The following HAP1 variants were observed in gnomAD, a reference collection of about 807,000 sequenced individuals.
HAP1 encodes huntingtin associated protein 1, also known as huntingtin-associated protein 1.
HAP1 carries 59 observed loss-of-function variants against 60.3 expected under a neutral mutation model. The ratio of observed to expected loss-of-function variants is 0.98; its 90% confidence interval spans 0.79 to 1.22. The LOEUF (loss-of-function observed/expected upper bound fraction) is 1.22, where lower values mean the gene tolerates loss of function less well. HAP1 is among the 50% of genes most tolerant of loss of function. The pLI is 0.00. For missense variants in HAP1, 825 were observed against 785.3 expected, an observed-to-expected ratio of 1.05 and a Z score of -0.60; for synonymous variants, 346 against 330.6, an observed-to-expected ratio of 1.05 and a Z score of -0.50.
chr17:41,729,303 G>A (rs34464451), intron 6 of HAP1, among the ~76,000 whole-genome samples: 108,528 of 149,500 alleles, frequency 0.73, 40,216 homozygotes, highest in East Asian at 0.89. Flanking sequence ...TAATCTCAGC[G>A]CTTTGGGAGG....
Position 41,732,414 on chromosome 17 carries a change from CAG to C in HAP1, c.550-22_550-21del. 1.9e-6 allele frequency: 3 copies of C among 1,612,714 alleles called. No individual in the cohort carries two copies. Among genetic ancestry groups the C allele is most frequent in the Non-Finnish European group, 2.5e-6 (3 of 1,179,276 alleles). On this transcript the variant is annotated intron_variant, in intron 2 of 10. Coordinates refer to ENST00000347901, the MANE Select transcript of HAP1 (RefSeq NM_177977.3). ...GAGAAGCTGGGGGGGACACAGGGGT[CAG>C]AGAGAGGCTAGGCCCCTAAGAGAAC...
Position 41,731,562 on chromosome 17 carries a change from G to A in HAP1, c.1003-3C>T, listed in dbSNP as rs782421911. The A allele has an allele frequency of 8.7e-6, 14 of 1,611,166 alleles. No homozygotes were observed. In the Admixed American group the frequency reaches 1.2e-4, roughly 13 times the overall value. On this transcript the variant is annotated splice_polypyrimidine_tract_variant and splice_region_variant and intron_variant, in intron 5 of 10. Transcript: ENST00000347901. ...TCAAGAGTGTCGAGTTGAGAGGCCTGGAGGGAGACAAAGAGGAAGGGACAG... is the reference window on the plus strand; with the variant it reads ...TCAAGAGTGTCGAGTTGAGAGGCCTAGAGGGAGACAAAGAGGAAGGGACAG...
intron 2 of HAP1, 121 bp downstream of exon 2, chr17:41,732,598 A>G (rs1474852201): frequency 1.2e-5 from 12 of 1,005,958 alleles, no homozygotes; most frequent in East Asian, 7.2e-5. Context: ...CCTGTCTTCC[A>G]TAAGAAGGAC....
chr17:41,726,836 T>C (rs1326188139), intron 9 of HAP1, among the ~76,000 whole-genome samples: 3 of 151,520 alleles, frequency 2.0e-5, no homozygotes, highest in Non-Finnish European at 4.4e-5. Context: ...GCACTCCAGC[T>C]TGGGTGACAG....
At chr17:41,731,412 T>C in intron 6 of HAP1, 81 bp downstream of exon 6, 1 of 959,578 alleles carries the variant, frequency 1.0e-6, no homozygotes, top group South Asian at 1.3e-5. Context: ...GACTTGAACT[T>C]GGATCTCCAT....
intron 10 of HAP1, 146 bp downstream of exon 10, chr17:41,725,713 G>C (rs549485498): frequency 1.4e-6 from 1 of 692,802 alleles, no homozygotes; most frequent in East Asian, 2.5e-5. Context: ...AAGTGGGGCA[G>C]CTCCTTCCCA....
intron 1 of HAP1, among the ~76,000 whole-genome samples, chr17:41,733,049 T>TTTG (rs1912371901): frequency 4.8e-5 from 3 of 62,124 alleles, no homozygotes; most frequent in East Asian, 5.6e-4. Context: ...TTTTTTTTTT[T>TTTG]TTTGGTTTTT....
rs1555588087 is a variant in HAP1 at position 41,724,688 on chromosome 17, C to T, written c.*13G>A. 3 of 1,574,320 alleles carry T rather than the reference C, an allele frequency of 1.9e-6. No homozygotes were observed. Among genetic ancestry groups the T allele is most frequent in the Admixed American group, 3.4e-5 (2 of 58,698 alleles). On this transcript the variant is annotated 3_prime_UTR_variant, in exon 11 of 11. Coordinates refer to ENST00000347901, the MANE Select transcript of HAP1 (RefSeq NM_177977.3). ...GCAGGTGAGCACTCGGGGAGCTTATCCACCCTCTCTTTTCATCGGCACGAC... is the reference window on the plus strand; with the variant it reads ...GCAGGTGAGCACTCGGGGAGCTTATTCACCCTCTCTTTTCATCGGCACGAC...
chr17:41,725,156 T>A lies in HAP1; in HGVS notation c.1407-2A>T. ...TCCTCACTGTAGCGAAAATCATACC[T>A]GGGCGGGAGATAGCGACATCTTTTG... On this transcript the variant is annotated splice_acceptor_variant, in intron 10 of 10. Transcript: ENST00000347901. LOFTEE classifies it high-confidence loss of function. The A allele has an allele frequency of 1.3e-6, 2 of 1,567,860 alleles. No homozygotes were observed. The highest frequency in any genetic ancestry group is 1.7e-6 in the Non-Finnish European group (2 of 1,154,772).
chr17:41,721,712 G>A (rs1238322643), downstream of HAP1: 2 of 145,712 alleles, frequency 1.4e-5, no homozygotes, highest in Non-Finnish European at 3.0e-5. Flanking sequence ...GGATTACAGG[G>A]GCTGCCACCA....
At chr17:41,721,419 CAG>C (rs1555587028), downstream of HAP1, 1 of 152,986 alleles carries the variant, frequency 6.5e-6, no homozygotes, top group African/African-American at 2.4e-5. Flanking sequence ...TTGAAGATAA[CAG>C]GGGCAGGGAA....
At position 41,727,103 on chromosome 17, in the gene HAP1, G is replaced by A; in HGVS notation, c.1317C>T (p.Leu439=). Reference sequence around the variant, plus strand: ...AGATCATCCTCCTTAGAGACGTTCTGAGCTCCTCAGCCAGCGTCTCCTGGA... The same window carrying A: ...AGATCATCCTCCTTAGAGACGTTCTAAGCTCCTCAGCCAGCGTCTCCTGGA... ...PGFQETLAEE[L]RTSLRRMISD... The change falls in exon 9 of 11, where the codon CTC becomes CTT. Residue 439 remains leucine, a synonymous_variant. Coordinates refer to ENST00000347901, the MANE Select transcript of HAP1 (RefSeq NM_177977.3). 1 of 1,595,186 alleles carries A rather than the reference G, an allele frequency of 6.3e-7. No individual in the cohort carries two copies. The highest frequency in any genetic ancestry group is 1.3e-5 in the African/African-American group (1 of 74,842).
Position 41,724,701 on chromosome 17 carries a change from T to C in HAP1, c.1860A>G (p.Ter620TrpextTer43). The C allele has an allele frequency of 6.3e-7, 1 of 1,585,024 alleles. No individual in the cohort carries two copies. Among genetic ancestry groups the C allele is most frequent in the South Asian group, 1.1e-5 (1 of 88,458 alleles). ...CGGGGAGCTTATCCACCCTCTCTTTTCATCGGCACGACGATCTGCAGCTTG... is the reference window on the plus strand; with the variant it reads ...CGGGGAGCTTATCCACCCTCTCTTTCCATCGGCACGACGATCTGCAGCTTG... ...SRTSCRSSCR[*>W] is the part of the protein sequence containing the mutation. Residue 620 changes from the stop codon to tryptophan, a stop_lost, in exon 11 of 11, where the codon TGA (stop) becomes TGG (tryptophan). Coordinates refer to ENST00000347901, the MANE Select transcript of HAP1 (RefSeq NM_177977.3).
chr17:41,722,409 C>A (rs1911261461), downstream of HAP1: 5 of 152,198 alleles, frequency 3.3e-5, no homozygotes, highest in African/African-American at 9.7e-5. Flanking sequence ...TCCACACTAG[C>A]CATGATCTGC....
At chr17:41,732,837 G>A (rs535562003) in intron 1 of HAP1, 39 bp from the exon 2 acceptor site, 1 of 1,224,688 alleles carries the variant, frequency 8.2e-7, no homozygotes, top group African/African-American at 1.5e-5. Context: ...GGCCCAGCCA[G>A]GTCAGGAAAA....
rs144780882 is a variant in HAP1 at position 41,724,767 on chromosome 17, T to G, written c.1794A>C (p.Lys598Asn). Residue 598 changes from lysine (K) to asparagine (N), a missense_variant, in exon 11 of 11, where the codon AAA becomes AAC. Lys to Asn is a moderately conservative substitution (Grantham distance 94). Transcript: ENST00000347901. ...RRQLRWKMLQ[K>N]GECPHGALPA... ...GGAGGGCCCCGTGGGGGCACTCACC[T>G]TTCTGGAGCATCTTCCACCTCAGCT... 1 of 1,609,648 alleles carries G rather than the reference T, an allele frequency of 6.2e-7. No individual in the cohort carries two copies. Among genetic ancestry groups the G allele is most frequent in the Admixed American group, 1.7e-5 (1 of 59,958 alleles).
At chr17:41,717,826 G>T (rs1287219209), downstream of HAP1, 1 of 328,720 alleles carries the variant, frequency 3.0e-6, no homozygotes, top group Non-Finnish European at 7.1e-6. Flanking sequence ...CTGTATCCCC[G>T]GTGGCAAGAA....
At chr17:41,728,374 T>G (rs782711891) in intron 6 of HAP1, 43 bp from the exon 7 acceptor site, 1 of 1,600,778 alleles carries the variant, frequency 6.2e-7, no homozygotes, top group South Asian at 1.1e-5. Flanking sequence ...TCCCCTGGCC[T>G]TCAGGGACCA....
At position 41,734,605 on chromosome 17, in the gene HAP1, G is replaced by C. The variant is rs782326173; in HGVS notation, c.30C>G (p.Cys10Trp). The C allele has an allele frequency of 1.2e-5, 19 of 1,565,888 alleles. No homozygotes were observed. Among genetic ancestry groups the C allele is most frequent in the East Asian group, 4.6e-5 (2 of 43,636 alleles). The change falls in exon 1 of 11, where the codon TGC becomes TGG. Residue 10 changes from cysteine to tryptophan, a missense_variant. By Grantham distance (215) the Cys-to-Trp change is radical. Coordinates refer to ENST00000347901, the MANE Select transcript of HAP1 (RefSeq NM_177977.3). MRPKRLGRC[C>W]AGSRLGPGDP... is the part of the protein sequence containing the mutation. ...CCCCGGGTCCGAGCCGGCTCCCCGC[G>C]CAGCACCGGCCCAACCTCTTCGGGC...
Sources: allele counts gnomAD v4.1 joint callset (sites outside exome capture counted in the v4.1 genomes callset), GRCh38; gene constraint gnomAD v4.1.1; transcripts MANE v1.5; gene names NCBI Gene and HGNC (gene_info 2026-07-23, HGNC 2026-07-21).